Variants in RAB38 observed in about 807,000 individuals in gnomAD.
RAB38 encodes the protein ras-related protein Rab-38.
Under a neutral mutation model 18.4 loss-of-function variants are expected in RAB38, and 15 were observed. That is an observed-to-expected ratio of 0.82 (90% CI 0.55 to 1.26). The LOEUF (loss-of-function observed/expected upper bound fraction) is 1.26. RAB38 is among the 50% of genes most tolerant of loss of function. RAB38 has a pLI of 0.00. For synonymous variants in RAB38, 101 were observed against 104.4 expected (o/e 0.97, Z 0.20); for missense variants, 294 against 267.4 (o/e 1.10, Z -0.69).
chr11:88,024,547 G>A, the RAB38 span, among the ~76,000 whole-genome samples: 1 of 152,122 alleles, frequency 6.6e-6, no homozygotes, highest in African/African-American at 2.4e-5. Flanking sequence ...ATACCCAAAA[G>A]GAAGGAAATC....
the RAB38 span, among the ~76,000 whole-genome samples, chr11:88,012,182 GACTGTGACCT>G: frequency 6.6e-6 from 1 of 152,110 alleles, no homozygotes. Flanking sequence ...GAAATGTTTA[GACTGTGACCT>G]ACTGATTAAT....
chr11:88,098,222 G>C, the RAB38 span: 1 of 151,930 alleles, frequency 6.6e-6, no homozygotes, highest in Non-Finnish European at 1.5e-5. Context: ...ATGGAATAGA[G>C]AGCCTGCTAT....
At chr11:88,121,748 G>A (rs1030911283) in intron 2 of RAB38, among the ~76,000 whole-genome samples, 2 of 152,152 alleles carry the variant, frequency 1.3e-5, no homozygotes, top group Non-Finnish European at 2.9e-5. Context: ...ATTTTTAGTA[G>A]AGACGGGGTT....
the RAB38 span, among the ~76,000 whole-genome samples, chr11:88,074,046 TAA>T: frequency 1.9e-3 from 276 of 143,026 alleles, 1 homozygote; most frequent in East Asian, 2.6e-3. Context: ...GAAAATTCCC[TAA>T]AAAAAAAAAA....
At chr11:87,839,591 T>C in the RAB38 span, among the ~76,000 whole-genome samples, 1 of 152,212 alleles carries the variant, frequency 6.6e-6, no homozygotes, top group African/African-American at 2.4e-5. Flanking sequence ...TTAAGTTACT[T>C]TGTAACACAT....
At chr11:88,156,161 C>T (rs1016970535) in intron 1 of RAB38, among the ~76,000 whole-genome samples, 1 of 151,722 alleles carries the variant, frequency 6.6e-6, no homozygotes, top group Non-Finnish European at 1.5e-5. Flanking sequence ...CATTTAGATA[C>T]AAAAAAAATC....
chr11:88,143,160 A>G (rs1300553987), intron 2 of RAB38, among the ~76,000 whole-genome samples: 1 of 152,254 alleles, frequency 6.6e-6, no homozygotes, highest in Non-Finnish European at 1.5e-5. Flanking sequence ...TGAGATCTTT[A>G]GCTAGTCACT....
the RAB38 span, among the ~76,000 whole-genome samples, chr11:88,036,117 A>G: frequency 1.3e-5 from 2 of 152,224 alleles, no homozygotes; most frequent in African/African-American, 4.8e-5. Flanking sequence ...TAATCAAATC[A>G]TCTCAAATTT....
the RAB38 span, among the ~76,000 whole-genome samples, chr11:87,899,851 CAG>C: frequency 6.6e-6 from 1 of 151,700 alleles, no homozygotes; most frequent in African/African-American, 2.4e-5. Context: ...CTTATAGAAA[CAG>C]TGATTATTTG....
the RAB38 span, among the ~76,000 whole-genome samples, chr11:88,067,977 ATATACTTATATATATACACATATC>A: frequency 1.2e-5 from 1 of 85,956 alleles, no homozygotes; most frequent in Non-Finnish European, 2.3e-5. Flanking sequence ...ATACACATAT[ATATACTTATATATATACACATATC>A]TATACATATA....
At chr11:87,832,859 G>A in the RAB38 span, among the ~76,000 whole-genome samples, 4 of 151,388 alleles carry the variant, frequency 2.6e-5, no homozygotes, top group Non-Finnish European at 4.4e-5. Context: ...GTAACGTAAC[G>A]TATCACAAGT....
the RAB38 span, among the ~76,000 whole-genome samples, chr11:87,860,153 G>A: frequency 6.6e-6 from 1 of 151,900 alleles, no homozygotes; most frequent in Non-Finnish European, 1.5e-5. Context: ...GTCTTAAAGT[G>A]CTCACTATAC....
downstream of RAB38, among the ~76,000 whole-genome samples, chr11:88,111,260 G>A (rs1435287928): frequency 6.6e-6 from 1 of 151,974 alleles, no homozygotes; most frequent in Non-Finnish European, 1.5e-5. Context: ...CAGTGATGGA[G>A]GCATCAAGAG....
chr11:87,860,968 A>C, the RAB38 span, among the ~76,000 whole-genome samples: 1 of 151,962 alleles, frequency 6.6e-6, no homozygotes, highest in African/African-American at 2.4e-5. Context: ...TTCTGCTAAA[A>C]TTAAAGCTAG....
At chr11:87,876,441 T>G in the RAB38 span, among the ~76,000 whole-genome samples, 1 of 151,600 alleles carries the variant, frequency 6.6e-6, no homozygotes. Flanking sequence ...AATAAATTTT[T>G]GTATATCTAG....
the RAB38 span, among the ~76,000 whole-genome samples, chr11:87,909,208 T>C: frequency 6.6e-6 from 1 of 152,086 alleles, no homozygotes. Flanking sequence ...TCTTGAACTT[T>C]TTTTCTCTTT....
chr11:87,941,214 G>GATAGATATATATAT, the RAB38 span, among the ~76,000 whole-genome samples: 10 of 62,552 alleles, frequency 1.6e-4, no homozygotes, highest in African/African-American at 6.1e-4. Context: ...AAATATATGA[G>GATAGATATATATAT]ATATATATAT....
the RAB38 span, among the ~76,000 whole-genome samples, chr11:87,886,048 C>T: frequency 2.0e-5 from 3 of 151,882 alleles, no homozygotes; most frequent in Non-Finnish European, 4.4e-5. Context: ...TCTCAAGTAG[C>T]CATATGTTTC....
the RAB38 span, among the ~76,000 whole-genome samples, chr11:87,818,759 TA>T: frequency 3.3e-5 from 5 of 152,046 alleles, no homozygotes; most frequent in African/African-American, 9.7e-5. Flanking sequence ...GTAGGAATGT[TA>T]AAAAATAAAA....
Sources: allele counts gnomAD v4.1 joint callset (sites outside exome capture counted in the v4.1 genomes callset), GRCh38; gene constraint gnomAD v4.1.1; transcripts MANE v1.5; gene names NCBI Gene and HGNC (gene_info 2026-07-23, HGNC 2026-07-21).